Variants in SLC24A3 observed in about 807,000 individuals in gnomAD.
SLC24A3 encodes solute carrier family 24 member 3, also known as sodium/potassium/calcium exchanger 3.
A neutral mutation model predicts 75.8 loss-of-function variants in SLC24A3; 28 were observed. The ratio of observed to expected loss-of-function variants is 0.37; its 90% CI spans 0.27 to 0.51. The LOEUF is 0.51. SLC24A3 is among the 20% of genes least tolerant of loss of function. SLC24A3 has a pLI of 0.94. For synonymous variants in SLC24A3, 372 were observed against 334.1 expected, an observed-to-expected ratio of 1.11 and a Z score of -1.24; for missense variants, 663 against 847.8, an observed-to-expected ratio of 0.78 and a Z score of 2.71.
intron 2 of SLC24A3, among the ~76,000 whole-genome samples, chr20:19,333,236 C>A (rs908850472): frequency 1.3e-5 from 2 of 152,186 alleles, no homozygotes; most frequent in Non-Finnish European, 2.9e-5. Context: ...AGAAATTTAT[C>A]CCTGACATCA....
intron 2 of SLC24A3, among the ~76,000 whole-genome samples, chr20:19,436,656 G>C (rs1053780128): frequency 1.3e-5 from 2 of 152,162 alleles, no homozygotes; most frequent in Admixed American, 1.3e-4. Context: ...TGCTTTCACA[G>C]GCAGCCGGGT....
At chr20:19,488,152 C>T (rs1161260826) in intron 2 of SLC24A3, among the ~76,000 whole-genome samples, 2 of 152,216 alleles carry the variant, frequency 1.3e-5, no homozygotes, top group Admixed American at 6.5e-5. Flanking sequence ...TTTATTGTTA[C>T]TGACTCTGGC....
In SLC24A3 at chr20:19,212,697, A is replaced by T; in HGVS notation, c.-146A>T. The T allele has an allele frequency of 4.1e-6, 2 of 485,402 alleles. No individual in the cohort carries two copies. Among genetic ancestry groups the T allele is most frequent in the Non-Finnish European group, 5.3e-6 (2 of 374,532 alleles). The allele number at this position is 485,402 out of a possible 1,614,324, so 30.1% of individuals were successfully genotyped here. A position where few individuals can be genotyped will look rare whatever the true frequency, so the allele number is the denominator to read the frequency against. On this transcript the variant is annotated 5_prime_UTR_variant, in exon 1 of 17. Transcript: ENST00000328041. ...ACGGGCAGCGGCGAGGAGGAGGAAG[A>T]GGAGGCGGAGGCGGCGGCCGGGTGG...
At chr20:19,525,712 G>A (rs1339967615) in intron 3 of SLC24A3, among the ~76,000 whole-genome samples, 1 of 152,094 alleles carries the variant, frequency 6.6e-6, no homozygotes, top group East Asian at 1.9e-4. Flanking sequence ...GACGAGGACG[G>A]GCACCAACGG....
At chr20:19,534,149 G>A (rs1489076849) in intron 3 of SLC24A3, among the ~76,000 whole-genome samples, 2 of 152,258 alleles carry the variant, frequency 1.3e-5, no homozygotes, top group African/African-American at 4.8e-5. Flanking sequence ...TGGTATTTGT[G>A]AAGTGCCAGT....
At chr20:19,560,512 A>G (rs1266899017) in intron 3 of SLC24A3, among the ~76,000 whole-genome samples, 3 of 152,176 alleles carry the variant, frequency 2.0e-5, no homozygotes, top group African/African-American at 7.2e-5. Context: ...CTGCCAGTGT[A>G]TCTTAAGTTG....
intron 2 of SLC24A3, among the ~76,000 whole-genome samples, chr20:19,438,184 C>A (rs1017863066): frequency 6.6e-6 from 1 of 152,114 alleles, no homozygotes; most frequent in African/African-American, 2.4e-5. Flanking sequence ...GGGCATCAGG[C>A]GCTCAGCTGT....
chr20:19,591,800 T>A (rs943198281), intron 6 of SLC24A3, among the ~76,000 whole-genome samples: 2 of 152,182 alleles, frequency 1.3e-5, no homozygotes, highest in Non-Finnish European at 2.9e-5. Flanking sequence ...TACACAGTTT[T>A]CAGTTTATTA....
At chr20:19,343,480 A>G (rs1440953470) in intron 2 of SLC24A3, among the ~76,000 whole-genome samples, 1 of 152,166 alleles carries the variant, frequency 6.6e-6, no homozygotes, top group African/African-American at 2.4e-5. Flanking sequence ...TTCATAATTT[A>G]GTCTATCGTA....
chr20:19,665,051 A>G (rs1354905347), intron 7 of SLC24A3, among the ~76,000 whole-genome samples: 1 of 152,228 alleles, frequency 6.6e-6, no homozygotes. Context: ...AAATGATTTT[A>G]GATGGTATAT....
intron 2 of SLC24A3, among the ~76,000 whole-genome samples, chr20:19,340,358 G>A (rs1187138848): frequency 6.6e-6 from 1 of 152,142 alleles, no homozygotes; most frequent in Non-Finnish European, 1.5e-5. Context: ...GCTGGAGAGA[G>A]GCATGAAACA....
At chr20:19,682,684 T>C (rs2032628687) in intron 10 of SLC24A3, among the ~76,000 whole-genome samples, 1 of 152,190 alleles carries the variant, frequency 6.6e-6, no homozygotes, top group Non-Finnish European at 1.5e-5. Flanking sequence ...AGTAGATAAA[T>C]ATGTGTCAGA....
chr20:19,376,479 G>A (rs967326240), intron 2 of SLC24A3, among the ~76,000 whole-genome samples: 8 of 152,208 alleles, frequency 5.3e-5, no homozygotes, highest in Non-Finnish European at 7.3e-5. Flanking sequence ...TATCTGTACC[G>A]TAGCGTGGAT....
chr20:19,637,421 T>C (rs534558280), intron 6 of SLC24A3, among the ~76,000 whole-genome samples: 1 of 152,350 alleles, frequency 6.6e-6, no homozygotes, highest in East Asian at 1.9e-4. Flanking sequence ...TTGAGAGACA[T>C]ACGGAATATT....
At chr20:19,331,180 A>G (rs1296243826) in intron 2 of SLC24A3, among the ~76,000 whole-genome samples, 1 of 152,228 alleles carries the variant, frequency 6.6e-6, no homozygotes, top group Non-Finnish European at 1.5e-5. Context: ...ACAGAAGTTT[A>G]GATAAAAGAG....
chr20:19,713,215 G>A (rs1717267333), intron 15 of SLC24A3, among the ~76,000 whole-genome samples: 1 of 152,222 alleles, frequency 6.6e-6, no homozygotes, highest in African/African-American at 2.4e-5. Context: ...TTACTTTGAA[G>A]TTCCCACAAG....
At chr20:19,631,640 C>T (rs1001500929) in intron 6 of SLC24A3, among the ~76,000 whole-genome samples, 5 of 152,172 alleles carry the variant, frequency 3.3e-5, no homozygotes, top group Non-Finnish European at 5.9e-5. Flanking sequence ...GGGCATTGTA[C>T]TGCACGTTGC....
chr20:19,486,325 G>A (rs372691467), intron 2 of SLC24A3, among the ~76,000 whole-genome samples: 37 of 152,322 alleles, frequency 2.4e-4, no homozygotes, highest in African/African-American at 8.9e-4. Context: ...AGAGAATTAG[G>A]GGGTGATGGA....
At chr20:19,709,922 AC>A in intron 15 of SLC24A3, among the ~76,000 whole-genome samples, 1 of 152,298 alleles carries the variant, frequency 6.6e-6, no homozygotes, top group Admixed American at 6.5e-5. Context: ...GTACTAAATG[AC>A]TAAAGGACTT....
Sources: gnomAD v4.1 joint callset for allele counts (sites outside exome capture counted in the v4.1 genomes callset) on GRCh38, gnomAD v4.1.1 for gene constraint, MANE v1.5 for transcripts, NCBI Gene and HGNC (gene_info 2026-07-23, HGNC 2026-07-21) for gene names.